Variants in PCDHGB6 observed in about 807,000 individuals in gnomAD.
PCDHGB6 encodes protocadherin gamma subfamily B, 6.
A neutral mutation model predicts 59.1 loss-of-function variants in PCDHGB6; 51 were observed. That is an observed-to-expected ratio of 0.86 (90% CI 0.69 to 1.09). The LOEUF (loss-of-function observed/expected upper bound fraction) is 1.09, where lower values mean the gene tolerates loss of function less well. PCDHGB6 is among the 50% of genes least tolerant of loss of function. PCDHGB6 has a pLI of 0.00. For synonymous variants in PCDHGB6, 466 were observed against 495.1 expected (o/e 0.94, Z 0.78); for missense variants, 1,148 against 1,205.1 (o/e 0.95, Z 0.70).
chr5:141,422,678 A>G, intron 1 of PCDHGB6: 1 of 1,606,250 alleles, frequency 6.2e-7, no homozygotes, highest in Non-Finnish European at 8.5e-7. Flanking sequence ...GACAGCAAAC[A>G]GAATGCCCTG....
intron 1 of PCDHGB6, chr5:141,424,504 G>GT (rs892941709): frequency 6.6e-6 from 1 of 152,016 alleles, no homozygotes; most frequent in African/African-American, 2.4e-5. Context: ...TGTATGGAAG[G>GT]TTTTTTAATG....
intron 1 of PCDHGB6, among the ~76,000 whole-genome samples, chr5:141,430,101 G>C (rs918427744): frequency 6.6e-6 from 1 of 152,036 alleles, no homozygotes; most frequent in African/African-American, 2.4e-5. Context: ...ATTTTTAAGC[G>C]TTACATGTCA....
intron 1 of PCDHGB6, chr5:141,422,118 ACAAACTGGAGAAGTT>A (rs1243312753): frequency 6.2e-7 from 1 of 1,604,312 alleles, no homozygotes; most frequent in Non-Finnish European, 8.5e-7. Flanking sequence ...AATTGGATTC[ACAAACTGGAGAAGTT>A]CAAGTACGGG....
At position 141,409,547 on chromosome 5, in the gene PCDHGB6, G is replaced by T. The variant is rs760802690; in HGVS notation, c.1345G>T (p.Ala449Ser). ...TLYVADINDN[A>S]PVFDQTSYVV... Reference sequence around the variant, plus strand: ...GTATGTCGCTGACATCAACGACAACGCCCCAGTTTTCGACCAGACGTCCTA... The same window carrying T: ...GTATGTCGCTGACATCAACGACAACTCCCCAGTTTTCGACCAGACGTCCTA... Residue 449 changes from alanine to serine, a missense_variant, in exon 1 of 4, where the codon GCC (alanine) becomes TCC (serine). Physicochemically the swap from Ala to Ser is moderately conservative, Grantham distance 99. Around this residue, in one of 5 missense-constraint regions of PCDHGB6, gnomAD observed 549 missense variants for 527.5 expected, o/e 1.04. Coordinates refer to ENST00000520790, the MANE Select transcript of PCDHGB6 (RefSeq NM_018926.3). The T allele has an allele frequency of 2.4e-5, 39 of 1,613,818 alleles. No individual in the cohort carries two copies. The highest frequency in any genetic ancestry group is 3.1e-5 in the Non-Finnish European group (36 of 1,179,900).
At chr5:141,455,558 G>A (rs1261373189) in intron 1 of PCDHGB6, among the ~76,000 whole-genome samples, 1 of 152,142 alleles carries the variant, frequency 6.6e-6, no homozygotes, top group East Asian at 1.9e-4. Flanking sequence ...CCGAGAAAAA[G>A]CTGGCCCTCC....
At chr5:141,430,996 G>A (rs1256552269) in intron 1 of PCDHGB6, 6 of 1,614,024 alleles carry the variant, frequency 3.7e-6, no homozygotes, top group Non-Finnish European at 5.1e-6. Context: ...CCCTGAATCC[G>A]CGCAGCGGCA....
rs1488305057 is a variant in PCDHGB6, at chr5:141,477,736, C to A, written c.2419-17071C>A. ...AATTTGAATTAACAGCTCATATCAG[C>A]GATGGGGGCACCCCGGTCCTAGCCA... On this transcript the variant is annotated intron_variant, in intron 1 of 3. Transcript: ENST00000520790. This position sits in a 1 kb window ranked among gnomAD's most constrained non-coding sequence, Gnocchi z 4.9. The A allele has an allele frequency of 6.2e-7, 1 of 1,613,790 alleles. No homozygotes were observed. Among genetic ancestry groups the A allele is most frequent in the Non-Finnish European group, 8.5e-7 (1 of 1,180,024 alleles).
intron 1 of PCDHGB6, among the ~76,000 whole-genome samples, chr5:141,471,883 C>T (rs951573411): frequency 6.6e-6 from 1 of 152,084 alleles, no homozygotes; most frequent in Non-Finnish European, 1.5e-5. Flanking sequence ...GAGGCTGAAG[C>T]TAGGAAGATT....
In PCDHGB6 at chr5:141,478,301, G is replaced by C. The variant is rs778427815; in HGVS notation, c.2419-16506G>C. ...GAAGCAGTCTAGAGACCTATACCGA[G>C]CCCCGGTGAGCTCACTGTACCGAAC... On this transcript the variant is annotated intron_variant, in intron 1 of 3. Coordinates refer to ENST00000520790, the MANE Select transcript of PCDHGB6 (RefSeq NM_018926.3). 2.5e-6 allele frequency: 4 copies of C among 1,614,074 alleles called. No individual in the cohort carries two copies. In the South Asian group the frequency reaches 4.4e-5, roughly 18 times the overall value.
chr5:141,500,384 T>C (rs956708207), intron 2 of PCDHGB6, among the ~76,000 whole-genome samples: 1 of 151,894 alleles, frequency 6.6e-6, no homozygotes, highest in African/African-American at 2.4e-5. Context: ...AATTATTTTG[T>C]ATTTTTAGTA....
Position 141,486,650 on chromosome 5 carries a change from T to C in PCDHGB6, c.2419-8157T>C, listed in dbSNP as rs1321605826. On this transcript the variant is annotated intron_variant, in intron 1 of 3. Coordinates refer to ENST00000520790, the MANE Select transcript of PCDHGB6 (RefSeq NM_018926.3). The surrounding 1 kb of genome is among the most constrained non-coding windows in gnomAD (Gnocchi z 5.0). ...TGGCTTGAATGCGCTTATCTCCTAC[T>C]CACTCCTGGAGCCCAGGAATCGAGA... is the stretch of plus-strand genomic sequence containing the variant. The C allele has an allele frequency of 6.2e-7, 1 of 1,613,834 alleles. No individual in the cohort carries two copies. Among genetic ancestry groups the C allele is most frequent in the African/African-American group, 1.3e-5 (1 of 74,938 alleles).
Position 141,490,845 on chromosome 5 carries a change from G to T in PCDHGB6, c.2419-3962G>T, listed in dbSNP as rs748605746. The T allele has an allele frequency of 1.4e-5, 22 of 1,613,726 alleles. No individual in the cohort carries two copies. The highest frequency in any genetic ancestry group is 1.7e-5 in the Non-Finnish European group (20 of 1,179,894). On this transcript the variant is annotated intron_variant, in intron 1 of 3. Coordinates refer to ENST00000520790, the MANE Select transcript of PCDHGB6 (RefSeq NM_018926.3). This position sits in a 1 kb window ranked among gnomAD's most constrained non-coding sequence, Gnocchi z 5.4. ...TGCAGATGCTGCAGATTGTGGTGGG[G>T]GTTCGAGACTCCGGCTCTCCCCCAT...
chr5:141,457,279 G>A (rs948609305), intron 1 of PCDHGB6, among the ~76,000 whole-genome samples: 2 of 152,190 alleles, frequency 1.3e-5, no homozygotes, highest in African/African-American at 4.8e-5. Flanking sequence ...GTGGGCCTAC[G>A]AAGTTCCTTG....
rs1485669709 is a variant in PCDHGB6 at position 141,432,989 on chromosome 5, G to A, written c.2418+22369G>A. On this transcript the variant is annotated intron_variant, in intron 1 of 3. Coordinates refer to ENST00000520790, the MANE Select transcript of PCDHGB6 (RefSeq NM_018926.3). The surrounding 1 kb of genome is among the most constrained non-coding windows in gnomAD (Gnocchi z 6.0). ...GCCGGCGTCGCACTTTGTGGGCGTG[G>A]ACGGGGTGCAGGCTTTCCTGCAGAC... The A allele has an allele frequency of 1.9e-6, 3 of 1,614,210 alleles. No individual in the cohort carries two copies. The highest frequency in any genetic ancestry group is 1.3e-5 in the African/African-American group (1 of 75,066).
chr5:141,423,969 C>G, intron 1 of PCDHGB6: 1 of 1,147,718 alleles, frequency 8.7e-7, no homozygotes, highest in Non-Finnish European at 1.1e-6. Flanking sequence ...TTTCTATTAT[C>G]AGTGTATGAG....
chr5:141,474,291 AGT>A (rs1191263215), intron 1 of PCDHGB6, among the ~76,000 whole-genome samples: 1 of 152,210 alleles, frequency 6.6e-6, no homozygotes, highest in Admixed American at 6.5e-5. Flanking sequence ...CCACTAGATC[AGT>A]GCTTGTCAAA....
At chr5:141,418,987 A>T (rs1244429131) in intron 1 of PCDHGB6, 2 of 1,613,856 alleles carry the variant, frequency 1.2e-6, no homozygotes, top group Non-Finnish European at 1.7e-6. Flanking sequence ...ACCAAGACTC[A>T]GGGGAAAATG....
At chr5:141,506,164 G>A (rs959032250) in intron 3 of PCDHGB6, among the ~76,000 whole-genome samples, 17 of 152,140 alleles carry the variant, frequency 1.1e-4, no homozygotes, top group Non-Finnish European at 2.4e-4. Context: ...TAAGAGCACA[G>A]CCTAAGCTGG....
At chr5:141,449,888 A>G (rs544369390) in intron 1 of PCDHGB6, among the ~76,000 whole-genome samples, 1 of 151,990 alleles carries the variant, frequency 6.6e-6, no homozygotes, top group Non-Finnish European at 1.5e-5. Flanking sequence ...ATGCAATATA[A>G]TTATTTAGCC....
Sources: gnomAD v4.1 joint callset for allele counts (sites outside exome capture counted in the v4.1 genomes callset) on GRCh38, gnomAD v4.1.1 for gene constraint, gnomAD v4.1.1 regional missense constraint, Gnocchi (gnomAD v3.1) non-coding constraint, MANE v1.5 for transcripts, NCBI Gene and HGNC (gene_info 2026-07-23, HGNC 2026-07-21) for gene names.